KPNA7: variants seen among roughly 807,000 people sequenced by gnomAD.
KPNA7 encodes the protein importin subunit alpha-8.
A neutral mutation model predicts 53.7 loss-of-function variants in KPNA7; 54 were observed. The ratio of observed to expected loss-of-function variants is 1.01; its 90% CI spans 0.81 to 1.26. KPNA7 has a LOEUF of 1.26. Ranked by LOEUF, KPNA7 falls within the 50% of genes most tolerant of loss-of-function variation. The pLI, the probability that KPNA7 is intolerant of heterozygous loss-of-function variation, is 0.00. For synonymous variants in KPNA7, 276 were observed against 259.3 expected, an observed-to-expected ratio of 1.06 and a Z score of -0.62; for missense variants, 640 against 644.5, an observed-to-expected ratio of 0.99 and a Z score of 0.07.
At chr7:99,172,257 G>C (rs762897707), downstream of KPNA7, among the ~76,000 whole-genome samples, 2 of 152,164 alleles carry the variant, frequency 1.3e-5, no homozygotes, top group Non-Finnish European at 2.9e-5. Context: ...GCATAGACTA[G>C]AATAAACAGA....
intron 1 of KPNA7, among the ~76,000 whole-genome samples, chr7:99,214,145 C>A (rs1043448346): frequency 6.6e-6 from 1 of 151,956 alleles, no homozygotes; most frequent in Non-Finnish European, 1.5e-5. Context: ...GAGATCACCA[C>A]CATGGCCAGT....
chr7:99,146,396 A>T, the KPNA7 span, among the ~76,000 whole-genome samples: 1 of 152,156 alleles, frequency 6.6e-6, no homozygotes, highest in Non-Finnish European at 1.5e-5. Flanking sequence ...ATAAACCCAT[A>T]ATATGTTGAA....
intron 10 of KPNA7, among the ~76,000 whole-genome samples, chr7:99,174,502 A>G (rs1798832520): frequency 6.6e-6 from 1 of 152,142 alleles, no homozygotes; most frequent in Non-Finnish European, 1.5e-5. Flanking sequence ...CCCTAGTGTC[A>G]AAAACGTTGG....
At chr7:99,160,455 A>G in the KPNA7 span, among the ~76,000 whole-genome samples, 1 of 151,462 alleles carries the variant, frequency 6.6e-6, no homozygotes, top group African/African-American at 2.4e-5. Flanking sequence ...AAGCCCATCC[A>G]GTAAATTTTA....
intron 1 of KPNA7, among the ~76,000 whole-genome samples, chr7:99,218,647 C>T (rs924086890): frequency 2.0e-5 from 3 of 152,192 alleles, no homozygotes; most frequent in South Asian, 2.1e-4. Context: ...AAGCCAAAGA[C>T]GACCTAGCAC....
chr7:99,181,131 C>CT (rs1799242079), intron 9 of KPNA7, among the ~76,000 whole-genome samples: 2 of 41,208 alleles, frequency 4.9e-5, no homozygotes, highest in African/African-American at 1.4e-4. Context: ...GTCTCTCTCT[C>CT]CGTCTGTGTC....
rs10616354 is a variant in KPNA7 at position 99,217,619 on chromosome 7, C to CTTTTTTTT, written c.-23-10138_-23-10131dup. ...CCCAGGAACGGGGACTCCACCTTGC[C>CTTTTTTTT]TTTTTTTTTTTTTTTTTTTTTTTTT... is the stretch of plus-strand genomic sequence containing the variant. On this transcript the variant is annotated intron_variant, in intron 1 of 10. Transcript: ENST00000681060. 9.3e-4 allele frequency among the ~76,000 whole-genome samples: 37 copies of CTTTTTTTT among 39,854 alleles called. 2 individuals carry two copies. Among genetic ancestry groups the CTTTTTTTT allele is most frequent in the African/African-American group, 3.8e-3 (35 of 9,142 alleles). 26.1% of individuals were successfully genotyped at this position (39,854 alleles called of 152,430 possible).
chr7:99,195,368 G>A (rs1288813764), intron 4 of KPNA7, 30 bp from the exon 5 acceptor site: 2 of 1,544,510 alleles, frequency 1.3e-6, no homozygotes, highest in Non-Finnish European at 1.8e-6. Context: ...GCAGGGGAGG[G>A]GGAGGTCAAG....
At chr7:99,171,710 G>A (rs1798774862), downstream of KPNA7, among the ~76,000 whole-genome samples, 1 of 152,132 alleles carries the variant, frequency 6.6e-6, no homozygotes, top group Admixed American at 6.6e-5. Context: ...GAGCTGTGAT[G>A]GTTCCACTGC....
At chr7:99,156,476 G>C in the KPNA7 span, among the ~76,000 whole-genome samples, 1 of 151,906 alleles carries the variant, frequency 6.6e-6, no homozygotes. Flanking sequence ...TATTCTGCTT[G>C]GCATTCAATG....
At position 99,215,988 on chromosome 7, in the gene KPNA7, A is replaced by G. The variant is rs900812136; in HGVS notation, c.-23-8499T>C. Among the ~76,000 whole-genome samples the G allele has an allele frequency of 5.3e-5, 8 of 151,782 alleles. 1 individual carries two copies. The highest frequency in any genetic ancestry group is 8.8e-5 in the Non-Finnish European group (6 of 67,962). On this transcript the variant is annotated intron_variant, in intron 1 of 10. Transcript: ENST00000681060. The stretch of plus-strand genomic sequence containing the variant: ...CCCTTCTCTAATTAAAAAAAAAAAA[A>G]AAAGAAAAGCACTGAGTTATACACA...
chr7:99,202,689 T>TA (rs995669660), intron 3 of KPNA7, among the ~76,000 whole-genome samples: 5 of 151,524 alleles, frequency 3.3e-5, no homozygotes, highest in Admixed American at 6.6e-5. Flanking sequence ...TATAAAAAAA[T>TA]AAAAAATTCA....
the KPNA7 span, among the ~76,000 whole-genome samples, chr7:99,157,491 G>A: frequency 1.3e-5 from 2 of 152,242 alleles, no homozygotes; most frequent in African/African-American, 2.4e-5. Context: ...TTACAGGCAT[G>A]AGCCACTGCG....
Position 99,176,822 on chromosome 7 carries a change from G to A in KPNA7, c.1464+1098C>T, listed in dbSNP as rs150817176. 6.5e-3 allele frequency among the ~76,000 whole-genome samples: 982 copies of A among 152,222 alleles called. 9 individuals are homozygous for A. Among genetic ancestry groups the A allele is most frequent in the Middle Eastern group, 0.017 (5 of 294 alleles). ...TGAGCCCAGGGAAGTCAAGGCTACA[G>A]TGAGCAACCATTGCGGCCATTGCCT... On this transcript the variant is annotated intron_variant, in intron 10 of 10. Transcript: ENST00000327442.
chr7:99,146,752 C>T, the KPNA7 span, among the ~76,000 whole-genome samples: 6 of 116,602 alleles, frequency 5.1e-5, no homozygotes, highest in South Asian at 2.6e-4. Context: ...AAAAAAACAA[C>T]GGAAAATGCA....
At chr7:99,189,050 G>A (rs905024647) in intron 6 of KPNA7, among the ~76,000 whole-genome samples, 4 of 152,284 alleles carry the variant, frequency 2.6e-5, no homozygotes, top group East Asian at 1.9e-4. Context: ...GACACAGAAC[G>A]AGGTTCGTAT....
rs1789275289 is a variant in KPNA7 at position 99,182,022 on chromosome 7, T to G, written c.1178A>C (p.Asn393Thr). The change falls in exon 9 of 11, where the codon AAC (asparagine) becomes ACC (threonine). Residue 393 changes from asparagine (N) to threonine (T), a missense_variant. Physicochemically the swap from Asn to Thr is moderately conservative, Grantham distance 65. Coordinates refer to ENST00000327442, the MANE Select transcript of KPNA7 (RefSeq NM_001145715.3). ...ATCCATGGTGGCCCCTGTTGCAAAG[T>G]TCGCCACCATCCAGACAGCCTCTTT... Reference protein sequence around the residue: ...VQKEAVWMVANFATGATMDQL... With the variant: ...VQKEAVWMVATFATGATMDQL... The G allele has an allele frequency of 6.5e-7, 1 of 1,547,522 alleles. No homozygotes were observed. The highest frequency in any genetic ancestry group is 1.2e-5 in the South Asian group (1 of 83,882).
At chr7:99,208,821 G>A (rs1790950677), upstream of KPNA7, among the ~76,000 whole-genome samples, 1 of 151,260 alleles carries the variant, frequency 6.6e-6, no homozygotes, top group African/African-American at 2.4e-5. Flanking sequence ...CTTCAACTGG[G>A]TCCTCAAATG....
Position 99,181,894 on chromosome 7 carries a change from A to G in KPNA7, c.1306T>C (p.Cys436Arg), listed in dbSNP as rs1250005790. The change falls in exon 9 of 11, where the codon TGC (cysteine) becomes CGC (arginine). Residue 436 changes from cysteine (C) to arginine (R), a missense_variant. Transcript: ENST00000327442. ...TCAGAACGGCTCACCTGGAGGATGC[A>G]AGAGATGACATCAAGGATGATGAGA... ...IVLIILDVIS[C>R]ILQAAEKRSE... 1 of 1,545,542 alleles carries G rather than the reference A, an allele frequency of 6.5e-7. No homozygotes were observed. The highest frequency in any genetic ancestry group is 2.0e-5 in the Admixed American group (1 of 50,752).
Sources: gnomAD v4.1 joint callset for allele counts (sites outside exome capture counted in the v4.1 genomes callset) on GRCh38, gnomAD v4.1.1 for gene constraint, MANE v1.5 for transcripts, NCBI Gene and HGNC (gene_info 2026-07-23, HGNC 2026-07-21) for gene names.